The following TNRC6C variants were observed in gnomAD, a reference collection of about 807,000 sequenced individuals.
TNRC6C encodes the protein trinucleotide repeat containing adaptor 6C, also known as trinucleotide repeat-containing gene 6C protein.
TNRC6C carries 20 observed loss-of-function variants against 153.7 expected under a neutral mutation model. The observed-to-expected ratio is 0.13, with a 90% confidence interval of 0.09 to 0.19. The LOEUF (loss-of-function observed/expected upper bound fraction) is 0.19. TNRC6C is among the 10% of genes least tolerant of loss of function. The probability of loss-of-function intolerance (pLI) is 1.00; values close to 1 mark genes in which losing one functional copy is unlikely to be tolerated. For missense variants in TNRC6C, 1,987 were observed against 2,172.0 expected (o/e 0.91, Z 1.69); for synonymous variants, 811 against 841.4 (o/e 0.96, Z 0.63).
chr17:77,964,148 T>G (rs970666456), intron 1 of TNRC6C, among the ~76,000 whole-genome samples: 12 of 152,368 alleles, frequency 7.9e-5, no homozygotes, highest in African/African-American at 2.9e-4. Context: ...CATAACAAAT[T>G]TTTAATTTTT....
intron 1 of TNRC6C, among the ~76,000 whole-genome samples, chr17:77,978,224 G>C (rs1044875233): frequency 6.6e-6 from 1 of 152,212 alleles, no homozygotes; most frequent in Middle Eastern, 3.4e-3. Context: ...GAGAATTTGA[G>C]ACAAATGCAA....
At chr17:78,004,617 AT>A (rs918661410), upstream of TNRC6C, among the ~76,000 whole-genome samples, 118 of 149,866 alleles carry the variant, frequency 7.9e-4, no homozygotes, top group Middle Eastern at 3.4e-3. Context: ...AGCTAGAAAT[AT>A]TTTTTTTTTG....
intron 1 of TNRC6C, among the ~76,000 whole-genome samples, chr17:78,015,488 G>A (rs1242925554): frequency 6.6e-6 from 1 of 152,198 alleles, no homozygotes; most frequent in African/African-American, 2.4e-5. Flanking sequence ...TTATACTTTA[G>A]GCTAATGGTG....
intron 2 of TNRC6C, among the ~76,000 whole-genome samples, chr17:78,043,675 T>C (rs1281558260): frequency 6.6e-6 from 1 of 152,194 alleles, no homozygotes; most frequent in Non-Finnish European, 1.5e-5. Flanking sequence ...TCTTATTTAT[T>C]CTTTCTGATT....
At chr17:78,100,523 G>A (rs139091247) in intron 17 of TNRC6C, among the ~76,000 whole-genome samples, 17 of 152,280 alleles carry the variant, frequency 1.1e-4, no homozygotes, top group East Asian at 3.9e-4. Context: ...CAACTGGAGC[G>A]GCTGGGACAC....
intron 1 of TNRC6C, among the ~76,000 whole-genome samples, chr17:78,009,378 T>G (rs1188805967): frequency 1.3e-5 from 2 of 152,166 alleles, no homozygotes; most frequent in African/African-American, 4.8e-5. Context: ...GTTTTTTTAA[T>G]GATTAACTAT....
At chr17:78,022,587 T>C (rs1186795511) in intron 1 of TNRC6C, among the ~76,000 whole-genome samples, 4 of 152,176 alleles carry the variant, frequency 2.6e-5, no homozygotes, top group Admixed American at 1.3e-4. Context: ...AGCCATATCA[T>C]CTCGGTTGCC....
chr17:77,994,927 T>G (rs1428899888), intron 1 of TNRC6C, among the ~76,000 whole-genome samples: 1 of 152,232 alleles, frequency 6.6e-6, no homozygotes, highest in Non-Finnish European at 1.5e-5. Flanking sequence ...GATTGATTGG[T>G]GTGACAGTAT....
intron 1 of TNRC6C, among the ~76,000 whole-genome samples, chr17:77,969,310 C>T (rs978324401): frequency 2.0e-5 from 3 of 151,516 alleles, no homozygotes; most frequent in Non-Finnish European, 4.4e-5. Flanking sequence ...AGTGCAGTGG[C>T]GCAATCTCGG....
rs1315463480 is a variant in TNRC6C, at chr17:78,097,653, G to A, written c.4307-690G>A. 3.5e-6 allele frequency: 3 copies of A among 849,888 alleles called. No homozygotes were observed. The Admixed American group carries it at 9.4e-5, about 27-fold the overall frequency. The allele number at this position is 849,888 out of a possible 1,614,324, so 52.6% of individuals were successfully genotyped here. ...TATTAAAAATGGCAGCCTAGGGAGA[G>A]GTTGATTCCTGATGGTTCTCACACC... On this transcript the variant is annotated intron_variant, in intron 16 of 19. Coordinates refer to ENST00000301624, the Ensembl canonical transcript of TNRC6C.
At chr17:78,086,328 T>TAAAAAAA (rs58348772) in intron 11 of TNRC6C, among the ~76,000 whole-genome samples, 175 bp from the exon 14 acceptor site, 6 of 53,370 alleles carry the variant, frequency 1.1e-4, no homozygotes, top group South Asian at 6.8e-4. Context: ...AGACTCCATC[T>TAAAAAAA]AAAAAAAAAA....
At chr17:78,084,382 T>G (rs1567958617) in intron 11 of TNRC6C, among the ~76,000 whole-genome samples, 1 of 151,852 alleles carries the variant, frequency 6.6e-6, no homozygotes, top group African/African-American at 2.4e-5. Context: ...ATAAAACCTT[T>G]GCTAATGAGA....
chr17:78,010,235 C>T (rs1598680936), intron 1 of TNRC6C, among the ~76,000 whole-genome samples: 1 of 152,116 alleles, frequency 6.6e-6, no homozygotes, highest in Admixed American at 6.5e-5. Context: ...TTTAGTTTTG[C>T]AGTGAGGTAT....
intron 1 of TNRC6C, among the ~76,000 whole-genome samples, chr17:78,008,247 C>T (rs980449758): frequency 6.6e-6 from 1 of 152,158 alleles, no homozygotes; most frequent in Admixed American, 6.5e-5. Context: ...CCTACCCTCC[C>T]CCAACAAATT....
chr17:77,991,945 G>A (rs139029260), intron 1 of TNRC6C, among the ~76,000 whole-genome samples: 181 of 152,268 alleles, frequency 1.2e-3, no homozygotes, highest in African/African-American at 4.3e-3. Context: ...GTGTCTGTAC[G>A]CAGAGGTCCT....
chr17:77,958,388 G>A (rs1174475077), upstream of TNRC6C, among the ~76,000 whole-genome samples: 1 of 152,102 alleles, frequency 6.6e-6, no homozygotes, highest in Non-Finnish European at 1.5e-5. Context: ...ACTGGCGCGC[G>A]TCCCGGCCAC....
At chr17:78,039,314 C>G (rs910351923) in intron 2 of TNRC6C, among the ~76,000 whole-genome samples, 2 of 148,086 alleles carry the variant, frequency 1.4e-5, no homozygotes, top group Admixed American at 6.7e-5. Flanking sequence ...ATCTTGCCCC[C>G]CCCCCCCACT....
At chr17:77,988,295 C>G (rs1438824527) in intron 1 of TNRC6C, among the ~76,000 whole-genome samples, 1 of 152,192 alleles carries the variant, frequency 6.6e-6, no homozygotes, top group African/African-American at 2.4e-5. Context: ...GGGAGAGTCA[C>G]TTGAGCCCAG....
chr17:77,962,265 CTA>C (rs960437530), intron 1 of TNRC6C, among the ~76,000 whole-genome samples: 1 of 152,160 alleles, frequency 6.6e-6, no homozygotes, highest in African/African-American at 2.4e-5. Context: ...ATTTAAAAGA[CTA>C]TTTGGGGGTC....
Sources: gnomAD v4.1 joint callset for allele counts (sites outside exome capture counted in the v4.1 genomes callset) on GRCh38, gnomAD v4.1.1 for gene constraint, MANE v1.5 for transcripts, NCBI Gene and HGNC (gene_info 2026-07-23, HGNC 2026-07-21) for gene names.